PCLO: variants seen among roughly 807,000 people sequenced by gnomAD.
The protein encoded by PCLO is piccolo presynaptic cytomatrix protein, also known as protein piccolo.
In PCLO, 82 loss-of-function variants were observed where a neutral mutation model predicts 427.5. The observed-to-expected ratio is 0.19, with a 90% CI of 0.16 to 0.23. The LOEUF is 0.23. Ranked by LOEUF, PCLO falls within the 10% of genes least tolerant of loss-of-function variation. PCLO has a pLI of 1.00. For synonymous variants in PCLO, 2,357 were observed against 2,155.4 expected (o/e 1.09, Z -2.59); for missense variants, 6,239 against 6,115.9 (o/e 1.02, Z -0.67).
intron 3 of PCLO, among the ~76,000 whole-genome samples, chr7:83,131,769 A>G (rs1439493189): frequency 6.6e-6 from 1 of 152,024 alleles, no homozygotes; most frequent in Non-Finnish European, 1.5e-5. Flanking sequence ...TACAAGCAGA[A>G]TAAGGAAAAC....
Position 82,950,693 on chromosome 7 carries a change from G to A in PCLO, c.9895C>T (p.Leu3299=). Residue 3299 remains leucine, a synonymous_variant, in exon 6 of 25, where the codon CTG becomes TTG. Coordinates refer to ENST00000333891, the MANE Select transcript of PCLO (RefSeq NM_033026.6). ...AGCTGCTGGTGAAGCTGTTGTTGCA[G>A]CTGTTGGATCTGCTCAAGCTGTAAC... ...QQLQLEQIQQ[L]QQQLHQQLEE... The A allele has an allele frequency of 6.2e-7, 1 of 1,613,874 alleles. No homozygotes were observed. The highest frequency in any genetic ancestry group is 8.5e-7 in the Non-Finnish European group (1 of 1,179,848).
rs1237034637 is a variant in PCLO at position 82,965,923 on chromosome 7, T to A, written c.3865A>T (p.Lys1289Ter). ...CCTTCCATCTTGGTCTGTGGTTGTT[T>A]CCCTTCTTGCACTGTCTTTGGAGCC... ...RVAPKTVQEG[K>*]QPQTKMEGLP... Residue 1289 changes from lysine (K) to a stop codon, truncating the protein, a stop_gained, in exon 4 of 25, where the codon AAA becomes TAA. Transcript: ENST00000333891. LOFTEE classifies it high-confidence loss of function. 1 of 1,614,010 alleles carries A rather than the reference T, an allele frequency of 6.2e-7. No individual in the cohort carries two copies. The highest frequency in any genetic ancestry group is 1.7e-5 in the Admixed American group (1 of 60,012).
rs754889252 is a variant in PCLO at position 82,950,623 on chromosome 7, G to T, written c.9965C>A (p.Pro3322His). ...IRQIYQYNYD[P>H]SGTASPQTTT... Reference sequence around the variant, plus strand: ...GGTTTGTGGAGAAGCAGTTCCAGAAGGGTCATAGTTATACTGGTAGATCTG... The same window carrying T: ...GGTTTGTGGAGAAGCAGTTCCAGAATGGTCATAGTTATACTGGTAGATCTG... Residue 3322 changes from proline (P) to histidine (H), a missense_variant, in exon 6 of 25, where the codon CCT becomes CAT. By Grantham distance (77) the Pro-to-His change is moderately conservative. This residue lies in a region of PCLO where 4,677 missense variants were observed against 4,468.4 expected (regional missense o/e 1.05). Coordinates refer to ENST00000333891, the MANE Select transcript of PCLO (RefSeq NM_033026.6). 6.2e-7 allele frequency: 1 copy of T among 1,613,830 alleles called. No individual in the cohort carries two copies. The highest frequency in any genetic ancestry group is 1.1e-5 in the South Asian group (1 of 91,078).
intron 3 of PCLO, among the ~76,000 whole-genome samples, chr7:83,026,073 C>T (rs1788487305): frequency 6.6e-6 from 1 of 151,592 alleles, no homozygotes; most frequent in Admixed American, 6.6e-5. Flanking sequence ...CAGCTAACAT[C>T]ATCATGACAG....
intron 9 of PCLO, among the ~76,000 whole-genome samples, chr7:82,890,609 G>T (rs2116115636): frequency 6.6e-6 from 1 of 151,958 alleles, no homozygotes; most frequent in African/African-American, 2.4e-5. Flanking sequence ...TATAGTATTT[G>T]TAATTATTAA....
At chr7:82,880,482 A>C (rs1584093593) in intron 9 of PCLO, 4 of 311,440 alleles carry the variant, frequency 1.3e-5, no homozygotes, top group Non-Finnish European at 2.7e-5. Context: ...AAGCTGAAGC[A>C]ATCCTCCTGC....
At chr7:83,069,732 CTT>C (rs1330257241) in intron 3 of PCLO, among the ~76,000 whole-genome samples, 1 of 151,490 alleles carries the variant, frequency 6.6e-6, no homozygotes, top group East Asian at 1.9e-4. Flanking sequence ...AAATGTCACT[CTT>C]TATATTCTTG....
intron 6 of PCLO, among the ~76,000 whole-genome samples, chr7:82,947,513 A>T (rs905003982): frequency 5.9e-5 from 9 of 152,206 alleles, no homozygotes; most frequent in Admixed American, 2.0e-4. Flanking sequence ...TTTGCCTAGA[A>T]ATTATAAAAT....
intron 22 of PCLO, among the ~76,000 whole-genome samples, chr7:82,770,159 A>G (rs180696364): frequency 3.0e-4 from 45 of 152,248 alleles, no homozygotes; most frequent in African/African-American, 1.0e-3. Flanking sequence ...TCAAATGCCA[A>G]AATTACAAAG....
intron 3 of PCLO, among the ~76,000 whole-genome samples, chr7:83,082,413 A>G: frequency 6.6e-6 from 1 of 151,778 alleles, no homozygotes; most frequent in East Asian, 1.9e-4. Context: ...CAAGTCAACT[A>G]TAATAAAAAT....
chr7:83,106,040 G>T (rs7804844), intron 3 of PCLO, among the ~76,000 whole-genome samples: 4,181 of 152,292 alleles, frequency 0.027, 192 homozygotes, highest in African/African-American at 0.095. Context: ...CTAGGTCATA[G>T]GACCCACACT....
At chr7:82,890,654 T>G (rs1009521282) in intron 9 of PCLO, among the ~76,000 whole-genome samples, 6 of 151,964 alleles carry the variant, frequency 3.9e-5, no homozygotes, top group African/African-American at 1.4e-4. Flanking sequence ...AGTTGCTTTT[T>G]TAAAACTAAT....
chr7:83,061,180 G>T (rs1470755767), intron 3 of PCLO, among the ~76,000 whole-genome samples: 2 of 152,180 alleles, frequency 1.3e-5, no homozygotes, highest in Non-Finnish European at 2.9e-5. Flanking sequence ...TGAAATCAAA[G>T]TGTTGGCTGA....
chr7:82,941,422 G>GA (rs1562870781), intron 6 of PCLO, among the ~76,000 whole-genome samples: 1 of 152,032 alleles, frequency 6.6e-6, no homozygotes, highest in African/African-American at 2.4e-5. Context: ...AGTACCAGCA[G>GA]AAAAAAAGCT....
chr7:83,085,188 A>T (rs1790199933), intron 3 of PCLO, among the ~76,000 whole-genome samples: 1 of 152,154 alleles, frequency 6.6e-6, no homozygotes, highest in African/African-American at 2.4e-5. Flanking sequence ...ATCCTGCAAC[A>T]GGTCCAGAAA....
In PCLO at chr7:82,956,063, A is replaced by T. The variant is rs1351524869; in HGVS notation, c.4890T>A (p.His1630Gln). ...DEDAGRRHSW[H>Q]DEDDEAFDES... ...CATCAAATGCTTCATCGTCTTCATC[A>T]TGCCATGAGTGACGTCTTCCTGCAT... Residue 1630 changes from histidine (H) to glutamine (Q), a missense_variant, in exon 5 of 25, where the codon CAT becomes CAA. By Grantham distance (24) the His-to-Gln change is conservative. This residue lies in a region of PCLO where 4,677 missense variants were observed against 4,468.4 expected (regional missense o/e 1.05). Coordinates refer to ENST00000333891, the MANE Select transcript of PCLO (RefSeq NM_033026.6). The T allele has an allele frequency of 1.2e-6, 2 of 1,612,600 alleles. No homozygotes were observed. Among genetic ancestry groups the T allele is most frequent in the Non-Finnish European group, 1.7e-6 (2 of 1,179,860 alleles).
intron 22 of PCLO, among the ~76,000 whole-genome samples, chr7:82,783,553 C>T (rs1017213709): frequency 1.3e-5 from 2 of 152,050 alleles, no homozygotes; most frequent in Admixed American, 6.6e-5. Flanking sequence ...ACCCGGGAGG[C>T]GGAGCTTGCA....
chr7:83,140,453 C>A (rs1477782591), intron 2 of PCLO, among the ~76,000 whole-genome samples: 3 of 152,108 alleles, frequency 2.0e-5, no homozygotes, highest in African/African-American at 7.2e-5. Context: ...TATTTCCAAG[C>A]CTGTATCTCC....
chr7:82,896,432 G>A (rs749734343), intron 9 of PCLO, among the ~76,000 whole-genome samples: 1 of 151,684 alleles, frequency 6.6e-6, no homozygotes, highest in Non-Finnish European at 1.5e-5. Flanking sequence ...TATATGAAAT[G>A]CTTGGAAAAG....
Sources: allele counts gnomAD v4.1 joint callset (sites outside exome capture counted in the v4.1 genomes callset), GRCh38; gene constraint gnomAD v4.1.1; regional missense constraint gnomAD v4.1.1; transcripts MANE v1.5; gene names NCBI Gene and HGNC (gene_info 2026-07-23, HGNC 2026-07-21).